The following CPLANE1 variants were observed in gnomAD, a reference collection of about 807,000 sequenced individuals.
The protein encoded by CPLANE1 is ciliogenesis and planar polarity effector 1.
In CPLANE1, 263 loss-of-function variants were observed where a neutral mutation model predicts 362.5. The observed-to-expected ratio is 0.73, with a 90% CI of 0.66 to 0.80. The LOEUF (loss-of-function observed/expected upper bound fraction) is 0.80. CPLANE1 is among the 30% of genes least tolerant of loss of function. CPLANE1 has a pLI of 0.00. For synonymous variants in CPLANE1, 1,212 were observed against 1,302.6 expected (o/e 0.93, Z 1.50); for missense variants, 3,461 against 3,793.4 (o/e 0.91, Z 2.30).
At chr5:37,181,923 T>C (rs1782759884) in intron 26 of CPLANE1, among the ~76,000 whole-genome samples, 1 of 151,768 alleles carries the variant, frequency 6.6e-6, no homozygotes. Context: ...AAACCCCATC[T>C]CTACTAAAAA....
chr5:37,130,089 T>G (rs1193536141), intron 46 of CPLANE1, among the ~76,000 whole-genome samples: 3 of 152,152 alleles, frequency 2.0e-5, no homozygotes, highest in Non-Finnish European at 4.4e-5. Context: ...AATAACGGCA[T>G]TCGCAGCAAC....
At chr5:37,229,037 C>T (rs982205323) in intron 9 of CPLANE1, among the ~76,000 whole-genome samples, 1 of 151,354 alleles carries the variant, frequency 6.6e-6, no homozygotes, top group Non-Finnish European at 1.5e-5. Context: ...CCGACCAATA[C>T]GGTGAAACCC....
rs145018253 is a variant in CPLANE1 at position 37,187,420 on chromosome 5, G to A, written c.4074C>T (p.Ile1358=). The A allele has an allele frequency of 3.2e-4, 518 of 1,609,578 alleles. No individual in the cohort carries two copies. The highest frequency in any genetic ancestry group is 3.0e-3 in the Middle Eastern group (18 of 6,038). The change falls in exon 23 of 53, where the codon ATC becomes ATT. Residue 1358 remains isoleucine, a synonymous_variant. Transcript: ENST00000651892. ...ILSLIGELPP[I]RKVAEIFVKA... ...TCACCTACAAGCACATTACCTTTCT[G>A]ATTGGTGGCAGTTCTCCAATAAGGC...
At chr5:37,124,976 C>A (rs962123598) in intron 47 of CPLANE1, 2 of 1,178,902 alleles carry the variant, frequency 1.7e-6, no homozygotes, top group South Asian at 3.2e-5. Context: ...AATCACTCAA[C>A]CTCCTCCTCT....
Position 37,183,562 on chromosome 5 carries a change from A to AAAAAAAATTACTAT in CPLANE1, c.4618_4619insATAGTAATTTTTTT (p.Val1540AspfsTer24). On this transcript the variant is annotated frameshift_variant, in exon 26 of 53. Coordinates refer to ENST00000651892, the MANE Select transcript of CPLANE1 (RefSeq NM_001384732.1). ...ATCATCATCACGTTCAAATTCCCAAACACCTATTACAGGAAGTGTATTTTG... is the reference window on the plus strand; with the variant it reads ...ATCATCATCACGTTCAAATTCCCAAAAAAAAAATTACTATCACCTATTACAGGAAGTGTATTTTG... The AAAAAAAATTACTAT allele has an allele frequency of 6.2e-7, 1 of 1,613,314 alleles. No homozygotes were observed. The highest frequency in any genetic ancestry group is 8.5e-7 in the Non-Finnish European group (1 of 1,179,456).
chr5:37,224,693 T>C lies in CPLANE1; in HGVS notation c.2339A>G (p.Gln780Arg), dbSNP rs1289028361. The change falls in exon 13 of 53, where the codon CAA becomes CGA. Residue 780 changes from glutamine to arginine, a missense_variant. Around this residue, in one of 2 missense-constraint regions of CPLANE1, gnomAD observed 3,380 missense variants for 3,666.1 expected, o/e 0.92. Transcript: ENST00000651892. ...AGGAACTCTTCGATTTAATTGTGCT[T>C]GATACCATAAAGTTTTTTTGTACAG... ...RILYKKTLWY[Q>R]AQLNRRVPEA... 6.4e-7 allele frequency: 1 copy of C among 1,551,592 alleles called. No individual in the cohort carries two copies. The highest frequency in any genetic ancestry group is 2.0e-5 in the Admixed American group (1 of 51,010).
chr5:37,156,658 T>C (rs1225058596), intron 41 of CPLANE1, among the ~76,000 whole-genome samples: 3 of 152,246 alleles, frequency 2.0e-5, no homozygotes, highest in Admixed American at 6.5e-5. Context: ...TAAATATATA[T>C]AGTCTTCTAA....
intron 43 of CPLANE1, among the ~76,000 whole-genome samples, chr5:37,144,424 TG>T (rs1352094547): frequency 3.7e-5 from 5 of 136,684 alleles, no homozygotes; most frequent in Non-Finnish European, 7.9e-5. Flanking sequence ...AAAAAAGAAG[TG>T]GATGCAAGAA....
At chr5:37,100,183 A>G in the CPLANE1 span, among the ~76,000 whole-genome samples, 1 of 152,124 alleles carries the variant, frequency 6.6e-6, no homozygotes, top group Non-Finnish European at 1.5e-5. Flanking sequence ...AATCTTTGCC[A>G]GTGCTGATGT....
intron 37 of CPLANE1, 77 bp downstream of exon 37, chr5:37,164,196 T>A (rs1417045052): frequency 8.7e-7 from 1 of 1,144,072 alleles, no homozygotes; most frequent in African/African-American, 1.5e-5. Flanking sequence ...GTAGCCTCAT[T>A]TTCATATTGT....
chr5:37,121,137 C>A (rs1370182157), intron 49 of CPLANE1, among the ~76,000 whole-genome samples: 2 of 152,082 alleles, frequency 1.3e-5, no homozygotes, highest in African/African-American at 4.8e-5. Flanking sequence ...CATATATAAC[C>A]CCTCTGCAGG....
intron 31 of CPLANE1, among the ~76,000 whole-genome samples, chr5:37,174,917 C>T (rs1337210253): frequency 6.6e-6 from 1 of 152,204 alleles, no homozygotes; most frequent in Non-Finnish European, 1.5e-5. Flanking sequence ...TCATGTTTCT[C>T]ACAGCTGCTG....
chr5:37,150,602 A>G (rs536553774), intron 42 of CPLANE1, among the ~76,000 whole-genome samples: 86 of 152,230 alleles, frequency 5.6e-4, no homozygotes, highest in Non-Finnish European at 5.9e-5. Flanking sequence ...TGGAATCTGG[A>G]CACCACTGTG....
At chr5:37,085,492 T>A in the CPLANE1 span, 1 of 809,016 alleles carries the variant, frequency 1.2e-6, no homozygotes, top group Non-Finnish European at 2.2e-6. Context: ...GCTCACAGCA[T>A]CCGCTACCTT....
At chr5:37,199,096 C>CAAAA (rs35945783) in intron 19 of CPLANE1, among the ~76,000 whole-genome samples, 43 of 46,960 alleles carry the variant, frequency 9.2e-4, no homozygotes, top group South Asian at 1.0e-3. Context: ...CACCCTGTCT[C>CAAAA]AAAAAAAAAA....
intron 16 of CPLANE1, among the ~76,000 whole-genome samples, chr5:37,208,253 C>G (rs1436852632): frequency 6.6e-6 from 1 of 152,228 alleles, no homozygotes; most frequent in Admixed American, 6.5e-5. Context: ...CCCTCCTCCT[C>G]TAGTTTACAG....
Position 37,135,430 on chromosome 5 carries a change from G to T in CPLANE1, c.8792+3290C>A, listed in dbSNP as rs554937421. ...AGTCACAGTTAAGCATGGCTGGGGA[G>T]GCCTCAAGAAACTTATAATCATCGC... On this transcript the variant is annotated intron_variant, in intron 46 of 52. Coordinates refer to ENST00000651892, the MANE Select transcript of CPLANE1 (RefSeq NM_001384732.1). Among the ~76,000 whole-genome samples the T allele has an allele frequency of 1.7e-4, 26 of 152,238 alleles. No individual in the cohort carries two copies. In the South Asian group the frequency reaches 5.2e-3, roughly 30 times the overall value.
chr5:37,147,364 G>A (rs11960516), intron 43 of CPLANE1, among the ~76,000 whole-genome samples: 4 of 152,084 alleles, frequency 2.6e-5, no homozygotes, highest in Non-Finnish European at 4.4e-5. Flanking sequence ...CCCAATATTA[G>A]AATGCTTAAT....
At chr5:37,231,120 G>T in intron 8 of CPLANE1, 71 bp from the exon 9 acceptor site, 1 of 1,150,124 alleles carries the variant, frequency 8.7e-7, no homozygotes, top group Non-Finnish European at 1.1e-6. Flanking sequence ...AAAATGGGCT[G>T]TACCAAGCAG....
Sources: gnomAD v4.1 joint callset for allele counts (sites outside exome capture counted in the v4.1 genomes callset) on GRCh38, gnomAD v4.1.1 for gene constraint, gnomAD v4.1.1 regional missense constraint, MANE v1.5 for transcripts, NCBI Gene and HGNC (gene_info 2026-07-23, HGNC 2026-07-21) for gene names.